The following ECE2 variants were observed in gnomAD, a reference collection of about 807,000 sequenced individuals.
ECE2 encodes endothelin converting enzyme 2, also known as endothelin-converting enzyme 2.
A neutral mutation model predicts 100.6 loss-of-function variants in ECE2; 81 were observed. The ratio of observed to expected loss-of-function variants is 0.81; its 90% CI spans 0.67 to 0.97. The LOEUF (loss-of-function observed/expected upper bound fraction) is 0.97. Among genes scored for constraint, ECE2 ranks in the 50% least tolerant of loss-of-function variants. The probability of loss-of-function intolerance (pLI) is 0.00; values close to 1 mark genes in which losing one functional copy is unlikely to be tolerated. For synonymous variants in ECE2, 391 were observed against 391.5 expected (o/e 1.00, Z 0.02); for missense variants, 911 against 988.1 (o/e 0.92, Z 1.05).
intron 7 of ECE2, among the ~76,000 whole-genome samples, chr3:184,283,567 A>G (rs1720896665): frequency 3.0e-5 from 1 of 33,844 alleles, no homozygotes; most frequent in South Asian, 5.7e-4. Context: ...ATCTCAAAAA[A>G]AAAAAAAAAA....
chr3:184,290,472 C>A, intron 14 of ECE2, 85 bp from the exon 15 acceptor site: 1 of 1,564,596 alleles, frequency 6.4e-7, no homozygotes, highest in Non-Finnish European at 8.8e-7. Flanking sequence ...GCCCCATACC[C>A]TTGCAGGAGG....
rs758219199 is a variant in ECE2 at position 184,285,108 on chromosome 3, G to A, written c.1148+3G>A. On this transcript the variant is annotated splice_donor_region_variant and intron_variant, in intron 9 of 18. Transcript: ENST00000404464. ...CTCATCAACCGCACGGAACCAAGGT[G>A]TGGGGGTAGCCCAGGGTGAGGGTGG... The A allele has an allele frequency of 2.2e-5, 36 of 1,613,108 alleles. No homozygotes were observed. The highest frequency in any genetic ancestry group is 2.9e-5 in the Non-Finnish European group (34 of 1,179,596).
At chr3:184,290,408 G>A (rs1471743835) in intron 14 of ECE2, 50 bp downstream of exon 14, 2 of 1,594,716 alleles carry the variant, frequency 1.3e-6, no homozygotes, top group East Asian at 2.2e-5. Flanking sequence ...GGAGAGGTGG[G>A]GGAAGGTTCC....
In ECE2 at chr3:184,290,161, G is replaced by A; in HGVS notation, c.1552-94G>A. 5 of 975,304 alleles carry A rather than the reference G, an allele frequency of 5.1e-6. No individual in the cohort carries two copies. In the South Asian group the frequency reaches 7.5e-5, roughly 15 times the overall value. 60.4% of individuals were successfully genotyped at this position (975,304 alleles called of 1,614,324 possible). ...GATATTTTACAGTTGAGGAAACTGA[G>A]GTTTGGAGAGATACTAATGAGTAGC... On this transcript the variant is annotated intron_variant, in intron 13 of 18. Coordinates refer to ENST00000404464, the MANE Select transcript of ECE2 (RefSeq NM_001100121.2).
Position 184,292,182 on chromosome 3 carries a change from T to C in ECE2, c.2242T>C (p.Phe748Leu). 6.2e-7 allele frequency: 1 copy of C among 1,614,126 alleles called. No individual in the cohort carries two copies. The highest frequency in any genetic ancestry group is 1.1e-5 in the South Asian group (1 of 91,080). ...CAACTCCCGTGACTTCCTGCGGCAC[T>C]TCGGCTGCCCTGTCGGCTCCCCCAT... ...LSNSRDFLRH[F>L]GCPVGSPMNP... The change falls in exon 19 of 19, where the codon TTC (phenylalanine) becomes CTC (leucine). Residue 748 changes from phenylalanine to leucine, a missense_variant. Transcript: ENST00000404464.
intron 10 of ECE2, among the ~76,000 whole-genome samples, chr3:184,286,844 G>A (rs1343381231): frequency 4.6e-5 from 7 of 150,554 alleles, no homozygotes; most frequent in South Asian, 2.1e-4. Flanking sequence ...GTGGTGGCTC[G>A]TGCCTGTAAT....
chr3:184,281,702 A>G (rs1032154958), intron 7 of ECE2, among the ~76,000 whole-genome samples: 1 of 152,232 alleles, frequency 6.6e-6, no homozygotes, highest in Non-Finnish European at 1.5e-5. Flanking sequence ...GGGCAAGAGG[A>G]AAGACTTCGG....
At chr3:184,276,383 G>T in intron 1 of ECE2, 98 bp from the exon 2 acceptor site, 1 of 1,482,610 alleles carries the variant, frequency 6.7e-7, no homozygotes, top group East Asian at 2.4e-5. Flanking sequence ...CCTCTTAGCA[G>T]GGCGGAGGGG....
At chr3:184,288,486 G>A (rs1195973703) in intron 11 of ECE2, among the ~76,000 whole-genome samples, 2 of 152,074 alleles carry the variant, frequency 1.3e-5, no homozygotes, top group Admixed American at 6.6e-5. Flanking sequence ...ATATGATAAT[G>A]GATGTGCTTA....
chr3:184,281,856 TGG>T (rs1463606383), intron 7 of ECE2, among the ~76,000 whole-genome samples: 1 of 152,186 alleles, frequency 6.6e-6, no homozygotes, highest in Non-Finnish European at 1.5e-5. Context: ...CCCAGCACTT[TGG>T]GAGGCTGAGG....
At position 184,290,337 on chromosome 3, in the gene ECE2, G is replaced by A. The variant is rs370555773; in HGVS notation, c.1634G>A (p.Arg545His). The A allele has an allele frequency of 2.0e-5, 32 of 1,613,570 alleles. No individual in the cohort carries two copies. The highest frequency in any genetic ancestry group is 1.8e-4 in the South Asian group (16 of 91,060). The change falls in exon 14 of 19, where the codon CGC becomes CAC. Residue 545 changes from arginine (R) to histidine (H), a missense_variant. Arg to His is a conservative substitution (Grantham distance 29). Transcript: ENST00000404464. ...GCCAAGGTTATGGCTGACCAGCTCC[G>A]CAAGCCTCCCAGCCGAGACCAGTGA... Reference protein sequence around the residue: ...FSAKVMADQLRKPPSRDQWSM... With the variant: ...FSAKVMADQLHKPPSRDQWSM...
chr3:184,283,578 AAAAAAAAAAAAAAG>A (rs1435886196), intron 7 of ECE2, among the ~76,000 whole-genome samples, 193 bp from the exon 8 acceptor site: 1 of 146,372 alleles, frequency 6.8e-6, no homozygotes, highest in African/African-American at 2.6e-5. Flanking sequence ...AAAAAAAAAA[AAAAAAAAAAAAAAG>A]AAGAAGAAGA....
At position 184,291,129 on chromosome 3, in the gene ECE2, G is replaced by T; in HGVS notation, c.1924G>T (p.Glu642Ter). ...CCGGAACCACACGGCCTGCATGGAG[G>T]AACAGTACAATCAATACCAGGTCAA... is the stretch of plus-strand genomic sequence containing the variant. Reference protein sequence around the residue: ...AFRNHTACMEEQYNQYQVNGE... With the variant: ...AFRNHTACME Residue 642 changes from glutamate to a stop codon, truncating the protein, a stop_gained, in exon 17 of 19, where the codon GAA becomes TAA. Transcript: ENST00000404464. LOFTEE classifies it high-confidence loss of function. The surrounding 1 kb of genome is among the most constrained non-coding windows in gnomAD (Gnocchi z 4.1). 2 of 1,613,138 alleles carry T rather than the reference G, an allele frequency of 1.2e-6. No homozygotes were observed. Among genetic ancestry groups the T allele is most frequent in the Admixed American group, 1.7e-5 (1 of 59,810 alleles).
At position 184,291,958 on chromosome 3, in the gene ECE2, G is replaced by A; in HGVS notation, c.2122-104G>A. 1 of 1,352,018 alleles carries A rather than the reference G, an allele frequency of 7.4e-7. No individual in the cohort carries two copies. The highest frequency in any genetic ancestry group is 1.0e-6 in the Non-Finnish European group (1 of 983,470). The allele number at this position is 1,352,018 out of a possible 1,614,324, so 83.8% of individuals were successfully genotyped here. On this transcript the variant is annotated intron_variant, in intron 18 of 18. Coordinates refer to ENST00000404464, the MANE Select transcript of ECE2 (RefSeq NM_001100121.2). The surrounding 1 kb of genome is among the most constrained non-coding windows in gnomAD (Gnocchi z 4.1). ...GCAGTTTTGGAAGGAACTTGGGAGG[G>A]GCTGCAGCGGTGGTGGTTTGTGCCC...
intron 7 of ECE2, among the ~76,000 whole-genome samples, chr3:184,281,075 C>T (rs1720799013): frequency 6.6e-6 from 1 of 151,980 alleles, no homozygotes; most frequent in Non-Finnish European, 1.5e-5. Context: ...GAAGGAGATC[C>T]TTGTATTTTA....
rs779667226 is a variant in ECE2 at position 184,289,446 on chromosome 3, A to T, written c.1384A>T (p.Met462Leu). 6.2e-7 allele frequency: 1 copy of T among 1,606,384 alleles called. No individual in the cohort carries two copies. ...ACCTCCTCCCTCCCAGGCAGAGGGGATGATCAGCGAAATCCGGACCGCATT... is the reference window on the plus strand; with the variant it reads ...ACCTCCTCCCTCCCAGGCAGAGGGGTTGATCAGCGAAATCCGGACCGCATT... ...DRQSKEIAEG[M>L]ISEIRTAFEE... Residue 462 changes from methionine to leucine, a missense_variant, in exon 12 of 19, where the codon ATG becomes TTG. Met to Leu is a conservative substitution (Grantham distance 15). Transcript: ENST00000404464. This position sits in a 1 kb window ranked among gnomAD's most constrained non-coding sequence, Gnocchi z 4.1.
chr3:184,285,659 A>ACAGGCACCATGAG, intron 10 of ECE2, 67 bp downstream of exon 10: 1 of 1,209,592 alleles, frequency 8.3e-7, no homozygotes, highest in Non-Finnish European at 1.2e-6. Context: ...CTTCAGTGTG[A>ACAGGCACCATGAG]CAGGCACCAT....
Position 184,287,821 on chromosome 3 carries a change from C to G in ECE2, c.1264-16C>G. On this transcript the variant is annotated splice_polypyrimidine_tract_variant and intron_variant, in intron 10 of 18. Coordinates refer to ENST00000404464, the MANE Select transcript of ECE2 (RefSeq NM_001100121.2). ...CACAGCCATCTCTAGGGTCCTGGCT[C>G]TTTGTCCTTTAACAGTCCTGTGTGC... is the stretch of plus-strand genomic sequence containing the variant. 1.2e-6 allele frequency: 2 copies of G among 1,613,086 alleles called. No individual in the cohort carries two copies. Among genetic ancestry groups the G allele is most frequent in the African/African-American group, 2.7e-5 (2 of 75,014 alleles).
rs1720684396 is a variant in ECE2, at chr3:184,278,699, TC to T, written c.816+143del. Reference sequence around the variant, plus strand: ...GTGAACAAACTGCCCCTCCTTTCTTTCTTCTTTTCTTCCTCCCTCCCTCCCT... The same window carrying T: ...GTGAACAAACTGCCCCTCCTTTCTTTTTCTTTTCTTCCTCCCTCCCTCCCT... On this transcript the variant is annotated intron_variant, in intron 7 of 18. Coordinates refer to ENST00000404464, the MANE Select transcript of ECE2 (RefSeq NM_001100121.2). 6.1e-5 allele frequency: 11 copies of T among 180,556 alleles called. No homozygotes were observed. The Admixed American group carries it at 9.4e-4, about 15-fold the overall frequency. 11.2% of individuals were successfully genotyped at this position (180,556 alleles called of 1,614,324 possible).
Sources: allele counts gnomAD v4.1 joint callset (sites outside exome capture counted in the v4.1 genomes callset), GRCh38; gene constraint gnomAD v4.1.1; non-coding constraint Gnocchi (gnomAD v3.1); transcripts MANE v1.5; gene names NCBI Gene and HGNC (gene_info 2026-07-23, HGNC 2026-07-21).